Variants in SEMA3A observed in about 807,000 individuals in gnomAD.
SEMA3A encodes the protein semaphorin-3A.
In SEMA3A, 29 loss-of-function variants were observed where a neutral mutation model predicts 97.9. The observed-to-expected ratio is 0.30, with a 90% CI of 0.22 to 0.40. SEMA3A has a LOEUF of 0.40. Among genes scored for constraint, SEMA3A ranks in the 10% least tolerant of loss-of-function variants. The probability of loss-of-function intolerance (pLI) is 1.00; values close to 1 mark genes in which losing one functional copy is unlikely to be tolerated. For missense variants in SEMA3A, 763 were observed against 951.3 expected (o/e 0.80, Z 2.60); for synonymous variants, 321 against 323.7 (o/e 0.99, Z 0.09).
At chr7:84,390,484 G>T (rs892589414) in intron 1 of SEMA3A, among the ~76,000 whole-genome samples, 1 of 151,696 alleles carries the variant, frequency 6.6e-6, no homozygotes, top group African/African-American at 2.4e-5. Context: ...ACATTATCTA[G>T]ATTTTCTTTT....
rs1802153522 is a variant in SEMA3A, at chr7:84,340,980, T to C, written c.-169+30844A>G. Among the ~76,000 whole-genome samples, 3 of 152,158 alleles carry C rather than the reference T, an allele frequency of 2.0e-5. No homozygotes were observed. In the South Asian group the frequency reaches 6.2e-4, roughly 32 times the overall value. On this transcript the variant is annotated intron_variant, in intron 2 of 3. Coordinates refer to the SEMA3A transcript ENST00000424555. ...AATAGTAATTAGTAATAATCCTCCA[T>C]AAAAATATTTGGTATGTGAAAGGGA...
chr7:84,300,032 CAAAAAAAAA>C (rs58929555), intron 3 of SEMA3A, among the ~76,000 whole-genome samples: 2 of 53,304 alleles, frequency 3.8e-5, no homozygotes, highest in East Asian at 4.8e-4. Flanking sequence ...GACTCAGTCA[CAAAAAAAAA>C]AAAAAAAAAA....
At chr7:84,176,697 C>T (rs1797578758) in intron 1 of SEMA3A, among the ~76,000 whole-genome samples, 1 of 152,134 alleles carries the variant, frequency 6.6e-6, no homozygotes, top group Non-Finnish European at 1.5e-5. Flanking sequence ...GGGAGCAATT[C>T]CTGTCATTCC....
At chr7:84,433,269 C>T (rs190781401) in intron 1 of SEMA3A, among the ~76,000 whole-genome samples, 42 of 149,752 alleles carry the variant, frequency 2.8e-4, no homozygotes, top group Middle Eastern at 3.4e-3. Flanking sequence ...ATGTTCCCCT[C>T]CCTGTGTCCA....
chr7:84,453,478 C>T (rs1584336306), intron 1 of SEMA3A, among the ~76,000 whole-genome samples: 1 of 151,950 alleles, frequency 6.6e-6, no homozygotes, highest in Admixed American at 6.6e-5. Context: ...CCTCGTGATC[C>T]GCCCACCTCG....
At chr7:84,403,630 C>CT (rs1803973312) in intron 1 of SEMA3A, among the ~76,000 whole-genome samples, 1 of 152,212 alleles carries the variant, frequency 6.6e-6, no homozygotes, top group Admixed American at 6.5e-5. Flanking sequence ...AGCAGCCTAA[C>CT]TGGGAGGCAC....
At chr7:84,068,802 A>G (rs1439495711) in intron 4 of SEMA3A, among the ~76,000 whole-genome samples, 1 of 152,120 alleles carries the variant, frequency 6.6e-6, no homozygotes, top group Non-Finnish European at 1.5e-5. Context: ...TAGAACTCAT[A>G]GGAAGAGAGG....
chr7:83,986,177 T>C (rs563646606), intron 12 of SEMA3A, among the ~76,000 whole-genome samples: 56 of 152,146 alleles, frequency 3.7e-4, no homozygotes, highest in Non-Finnish European at 6.3e-4. Flanking sequence ...CCAGCCTCAT[T>C]CCTAACAACA....
At chr7:84,132,562 T>C (rs1014159107) in intron 2 of SEMA3A, among the ~76,000 whole-genome samples, 1 of 151,604 alleles carries the variant, frequency 6.6e-6, no homozygotes, top group Non-Finnish European at 1.5e-5. Context: ...TATATACATA[T>C]ATGAATATCA....
chr7:84,284,348 A>C (rs1490843755), intron 3 of SEMA3A, among the ~76,000 whole-genome samples: 1 of 152,130 alleles, frequency 6.6e-6, no homozygotes, highest in African/African-American at 2.4e-5. Context: ...TCATTTTCTA[A>C]GTATCACATT....
At chr7:84,290,402 A>G (rs1800710731) in intron 3 of SEMA3A, among the ~76,000 whole-genome samples, 1 of 150,616 alleles carries the variant, frequency 6.6e-6, no homozygotes, top group Non-Finnish European at 1.5e-5. Context: ...TCCATGTTAT[A>G]CTCTTTTCAT....
At chr7:84,210,392 G>C (rs1001396125) in intron 3 of SEMA3A, among the ~76,000 whole-genome samples, 1 of 152,130 alleles carries the variant, frequency 6.6e-6, no homozygotes, top group African/African-American at 2.4e-5. Context: ...AAAAATGGAA[G>C]AGGTCATTTC....
At chr7:84,066,278 A>T (rs1296903570) in intron 4 of SEMA3A, among the ~76,000 whole-genome samples, 1 of 152,130 alleles carries the variant, frequency 6.6e-6, no homozygotes, top group Non-Finnish European at 1.5e-5. Context: ...TTTCAAAATA[A>T]TAAGAGCTAT....
intron 6 of SEMA3A, among the ~76,000 whole-genome samples, chr7:84,016,525 G>A (rs1048705740): frequency 2.7e-5 from 4 of 146,268 alleles, no homozygotes; most frequent in East Asian, 2.0e-4. Context: ...GCGACAGAGC[G>A]AGACTCTGTC....
chr7:84,447,528 T>G (rs1049715128), intron 1 of SEMA3A, among the ~76,000 whole-genome samples: 1 of 152,078 alleles, frequency 6.6e-6, no homozygotes, highest in African/African-American at 2.4e-5. Context: ...CGAACTCAGC[T>G]AGACTCAAAC....
chr7:84,101,658 A>G (rs1794963322), intron 4 of SEMA3A, among the ~76,000 whole-genome samples: 1 of 152,182 alleles, frequency 6.6e-6, no homozygotes, highest in African/African-American at 2.4e-5. Flanking sequence ...TTTAAATAAT[A>G]TTATCATAAG....
chr7:84,468,341 C>T (rs1259446098), intron 1 of SEMA3A, among the ~76,000 whole-genome samples: 1 of 152,170 alleles, frequency 6.6e-6, no homozygotes, highest in Non-Finnish European at 1.5e-5. Context: ...CCAGGACCAC[C>T]TGGGACTCAT....
At chr7:84,429,632 G>A (rs1804926000) in intron 1 of SEMA3A, among the ~76,000 whole-genome samples, 1 of 145,026 alleles carries the variant, frequency 6.9e-6, no homozygotes, top group South Asian at 2.2e-4. Flanking sequence ...TTCCTGCCCT[G>A]GTCATCCTAC....
chr7:84,434,080 G>C (rs531975753), intron 1 of SEMA3A, among the ~76,000 whole-genome samples: 1 of 152,110 alleles, frequency 6.6e-6, no homozygotes, highest in Non-Finnish European at 1.5e-5. Flanking sequence ...AGTTTAATCA[G>C]ATGCCATTTG....
Sources: allele counts gnomAD v4.1 joint callset (sites outside exome capture counted in the v4.1 genomes callset), GRCh38; gene constraint gnomAD v4.1.1; transcripts MANE v1.5; gene names NCBI Gene and HGNC (gene_info 2026-07-23, HGNC 2026-07-21).